The following GNA14 variants were observed in gnomAD, a reference collection of about 807,000 sequenced individuals.
The protein encoded by GNA14 is G protein subunit alpha 14.
In GNA14, 50 loss-of-function variants were observed where a neutral mutation model predicts 42.0. The ratio of observed to expected loss-of-function variants is 1.19; its 90% CI spans 0.95 to 1.51. GNA14 has a LOEUF of 1.51. GNA14 is among the 40% of genes most tolerant of loss of function. The pLI, the probability that GNA14 is intolerant of heterozygous loss-of-function variation, is 0.00. For synonymous variants in GNA14, 173 were observed against 163.1 expected (o/e 1.06, Z -0.46); for missense variants, 473 against 446.2 (o/e 1.06, Z -0.54).
At chr9:77,477,042 T>A (rs1836439781) in intron 2 of GNA14, among the ~76,000 whole-genome samples, 1 of 152,100 alleles carries the variant, frequency 6.6e-6, no homozygotes, top group Non-Finnish European at 1.5e-5. Context: ...AAGTATAGTT[T>A]AAGGAGGAAG....
At chr9:77,602,081 C>A (rs567829865) in intron 1 of GNA14, among the ~76,000 whole-genome samples, 1 of 152,362 alleles carries the variant, frequency 6.6e-6, no homozygotes, top group South Asian at 2.1e-4. Flanking sequence ...TGTCCTCACA[C>A]ATACGTCTTC....
rs1823837731 is a variant in GNA14, at chr9:77,617,226, G to A, written c.124+30444C>T. ...GGATATTCACAATTATAAAGATGTA[G>A]CAACCTGAAAATGTCTAAAAACAGA... On this transcript the variant is annotated intron_variant, in intron 1 of 6. Coordinates refer to ENST00000341700, the MANE Select transcript of GNA14 (RefSeq NM_004297.4). Among the ~76,000 whole-genome samples, 7 of 152,032 alleles carry A rather than the reference G, an allele frequency of 4.6e-5. No homozygotes were observed. In the South Asian group the frequency reaches 1.2e-3, roughly 27 times the overall value.
At position 77,569,956 on chromosome 9, in the gene GNA14, G is replaced by A. The variant is rs369590601; in HGVS notation, c.125-40703C>T. ...TAATTTTTGTATTTTTAGTAGAGAC[G>A]GGGTTTCACTGTGTTGGTCAGTCTG... On this transcript the variant is annotated intron_variant, in intron 1 of 6. Coordinates refer to ENST00000341700, the MANE Select transcript of GNA14 (RefSeq NM_004297.4). 9.8e-4 allele frequency among the ~76,000 whole-genome samples: 149 copies of A among 151,882 alleles called. 1 individual carries two copies. The highest frequency in any genetic ancestry group is 6.8e-3 in the Middle Eastern group (2 of 294).
intron 1 of GNA14, among the ~76,000 whole-genome samples, chr9:77,615,867 G>GT (rs58878600): frequency 7.0e-4 from 101 of 144,818 alleles, no homozygotes; most frequent in Middle Eastern, 3.5e-3. Context: ...GTTTTTTGGG[G>GT]TTTTTTTTTT....
intron 2 of GNA14, among the ~76,000 whole-genome samples, chr9:77,498,373 C>CTAA (rs1836907518): frequency 1.8e-5 from 1 of 54,136 alleles, no homozygotes; most frequent in East Asian, 5.5e-4. Flanking sequence ...AAGTCTGTCT[C>CTAA]AAAAAAAAAA....
intron 2 of GNA14, among the ~76,000 whole-genome samples, chr9:77,443,162 A>G (rs566496964): frequency 5.9e-5 from 9 of 152,366 alleles, no homozygotes; most frequent in African/African-American, 2.2e-4. Context: ...GGAAAAATAT[A>G]GACAATTCAA....
intron 2 of GNA14, among the ~76,000 whole-genome samples, chr9:77,520,136 C>T (rs1308418684): frequency 6.6e-6 from 1 of 152,140 alleles, no homozygotes; most frequent in Non-Finnish European, 1.5e-5. Flanking sequence ...GGGATGCTTT[C>T]TAGAATAGTT....
Position 77,445,550 on chromosome 9 carries a change from AAG to A in GNA14, c.310-11030_310-11029del, listed in dbSNP as rs1346147910. On this transcript the variant is annotated intron_variant, in intron 2 of 6. Coordinates refer to ENST00000341700, the MANE Select transcript of GNA14 (RefSeq NM_004297.4). ...CCGCAAAGTGAGACCTGTCTCTAAG[AAG>A]AAAAAAAAAAAAAAAAAAAAAGAAA... is the stretch of plus-strand genomic sequence containing the variant. Among the ~76,000 whole-genome samples the A allele has an allele frequency of 9.2e-4, 133 of 145,106 alleles. 1 individual carries two copies. Among genetic ancestry groups the A allele is most frequent in the African/African-American group, 3.2e-3 (122 of 37,632 alleles).
chr9:77,526,867 A>AC (rs1837447727), intron 2 of GNA14, among the ~76,000 whole-genome samples: 1 of 152,232 alleles, frequency 6.6e-6, no homozygotes, highest in African/African-American at 2.4e-5. Context: ...AGAAAAGGAG[A>AC]CAGTGGTAGA....
At chr9:77,484,879 CTGT>C (rs1322384847) in intron 2 of GNA14, among the ~76,000 whole-genome samples, 1 of 152,322 alleles carries the variant, frequency 6.6e-6, no homozygotes, top group East Asian at 1.9e-4. Context: ...TAAAAAAACA[CTGT>C]ACGTACCTTA....
chr9:77,611,813 G>C (rs1223014245), intron 1 of GNA14, among the ~76,000 whole-genome samples: 1 of 152,152 alleles, frequency 6.6e-6, no homozygotes, highest in African/African-American at 2.4e-5. Flanking sequence ...AAAAATGGAA[G>C]AGGCTATTCT....
At chr9:77,601,220 TA>T (rs1307619900) in intron 1 of GNA14, among the ~76,000 whole-genome samples, 12 of 152,126 alleles carry the variant, frequency 7.9e-5, no homozygotes, top group African/African-American at 2.9e-4. Flanking sequence ...TTTTGCCCAA[TA>T]AATTCCATTC....
At chr9:77,604,870 C>G (rs1823624921) in intron 1 of GNA14, among the ~76,000 whole-genome samples, 1 of 152,216 alleles carries the variant, frequency 6.6e-6, no homozygotes, top group Admixed American at 6.5e-5. Flanking sequence ...TTCAGCATCC[C>G]CCAACATTCC....
At chr9:77,529,025 G>C (rs372216998) in intron 2 of GNA14, 44 bp downstream of exon 2, 1 of 1,509,756 alleles carries the variant, frequency 6.6e-7, no homozygotes, top group East Asian at 2.3e-5. Context: ...AGAGTGGGCA[G>C]GCATACATTC....
intron 1 of GNA14, among the ~76,000 whole-genome samples, chr9:77,630,459 A>G (rs1227140638): frequency 6.6e-6 from 1 of 152,196 alleles, no homozygotes; most frequent in Non-Finnish European, 1.5e-5. Flanking sequence ...AGAATCACTT[A>G]ACTGCTTAGA....
At chr9:77,602,853 C>A (rs1343931388) in intron 1 of GNA14, among the ~76,000 whole-genome samples, 2 of 152,212 alleles carry the variant, frequency 1.3e-5, no homozygotes, top group African/African-American at 4.8e-5. Flanking sequence ...TAATGCTCTG[C>A]TGTTACTGTC....
Position 77,564,534 on chromosome 9 carries a change from G to A in GNA14, c.125-35281C>T, listed in dbSNP as rs148025536. ...GAATACATTTCTTTTTATTTAAAAA[G>A]TTAAAATATTATGGCTGGGCATGGT... is the stretch of plus-strand genomic sequence containing the variant. On this transcript the variant is annotated intron_variant, in intron 1 of 6. Coordinates refer to ENST00000341700, the MANE Select transcript of GNA14 (RefSeq NM_004297.4). 1.9e-3 allele frequency among the ~76,000 whole-genome samples: 282 copies of A among 152,190 alleles called. 1 individual carries two copies. Among genetic ancestry groups the A allele is most frequent in the African/African-American group, 6.3e-3 (262 of 41,538 alleles).
intron 1 of GNA14, among the ~76,000 whole-genome samples, chr9:77,552,368 T>A (rs911306346): frequency 6.6e-5 from 10 of 152,108 alleles, no homozygotes; most frequent in Non-Finnish European, 1.2e-4. Context: ...AGAGATAACA[T>A]GCTCCGAGCA....
intron 2 of GNA14, among the ~76,000 whole-genome samples, chr9:77,468,114 A>G (rs1836268745): frequency 6.6e-6 from 1 of 152,116 alleles, no homozygotes; most frequent in African/African-American, 2.4e-5. Context: ...TGGGGAGTGG[A>G]GAGAAGCAGC....
Sources: gnomAD v4.1 joint callset for allele counts (sites outside exome capture counted in the v4.1 genomes callset) on GRCh38, gnomAD v4.1.1 for gene constraint, MANE v1.5 for transcripts, NCBI Gene and HGNC (gene_info 2026-07-23, HGNC 2026-07-21) for gene names.